Variants in UMAD1 observed in about 807,000 individuals in gnomAD.
The protein encoded by UMAD1 is UBAP1-MVB12-associated (UMA) domain containing 1, also known as UBAP1-MVB12-associated (UMA)-domain containing protein 1.
UMAD1 carries 8 observed loss-of-function variants against 6.1 expected under a neutral mutation model. The ratio of observed to expected loss-of-function variants is 1.30; its 90% CI spans 0.76 to 2.35. The LOEUF (loss-of-function observed/expected upper bound fraction) is 2.35, where lower values mean the gene tolerates loss of function less well. Among genes scored for constraint, UMAD1 ranks in the 30% most tolerant of loss-of-function variants. The pLI, the probability that UMAD1 is intolerant of heterozygous loss-of-function variation, is 0.00. For synonymous variants in UMAD1, 56 were observed against 31.4 expected, an observed-to-expected ratio of 1.78 and a Z score of -2.61; for missense variants, 130 against 78.4, an observed-to-expected ratio of 1.66 and a Z score of -2.49.
chr7:7,877,426 A>G lies in UMAD1; in HGVS notation c.302A>G (p.Gln101Arg), dbSNP rs1784441971. 5.6e-6 allele frequency: 4 copies of G among 717,758 alleles called. No homozygotes were observed. Among genetic ancestry groups the G allele is most frequent in the Non-Finnish European group, 1.0e-5 (4 of 385,152 alleles). 44.5% of individuals were successfully genotyped at this position (717,758 alleles called of 1,614,324 possible). A position where few individuals can be genotyped will look rare whatever the true frequency, so the allele number is the denominator to read the frequency against. The change falls in exon 4 of 4, where the codon CAG (glutamine) becomes CGG (arginine). Residue 101 changes from glutamine to arginine, a missense_variant. Gln to Arg is a conservative substitution (Grantham distance 43). Coordinates refer to ENST00000682710, the MANE Select transcript of UMAD1 (RefSeq NM_001302348.2). ...FTLAPHVLAV[Q>R]GTITDLPDHL... ...CTGGCCCCGCATGTGCTGGCAGTAC[A>G]GGGCACCATCACTGACCTTCCCGAC...
intron 2 of UMAD1, among the ~76,000 whole-genome samples, chr7:7,706,554 A>G (rs1471880336): frequency 2.0e-5 from 3 of 152,228 alleles, no homozygotes; most frequent in Non-Finnish European, 4.4e-5. Flanking sequence ...ATTTTTTAAA[A>G]TTGGAAAAAA....
At chr7:7,782,374 T>C (rs1161102644) in intron 2 of UMAD1, among the ~76,000 whole-genome samples, 1 of 152,176 alleles carries the variant, frequency 6.6e-6, no homozygotes, top group African/African-American at 2.4e-5. Flanking sequence ...TCTGAATGCC[T>C]TCATACATGC....
intron 2 of UMAD1, among the ~76,000 whole-genome samples, chr7:7,772,045 T>TA (rs201021905): frequency 5.3e-5 from 8 of 151,032 alleles, no homozygotes; most frequent in South Asian, 4.2e-4. Flanking sequence ...TGTGTTTGAT[T>TA]AAAAAAAAAT....
At chr7:7,734,544 G>A (rs1781313153) in intron 2 of UMAD1, among the ~76,000 whole-genome samples, 1 of 152,032 alleles carries the variant, frequency 6.6e-6, no homozygotes, top group Non-Finnish European at 1.5e-5. Context: ...AAGTAAATTT[G>A]AAAGATGTTA....
intron 3 of UMAD1, among the ~76,000 whole-genome samples, chr7:7,815,451 A>T (rs1402437054): frequency 6.6e-6 from 1 of 152,170 alleles, no homozygotes; most frequent in Non-Finnish European, 1.5e-5. Context: ...ATTGAGAGTT[A>T]CAGTAAAAGG....
At chr7:7,708,486 A>G (rs1780664093) in intron 2 of UMAD1, among the ~76,000 whole-genome samples, 1 of 152,208 alleles carries the variant, frequency 6.6e-6, no homozygotes, top group Non-Finnish European at 1.5e-5. Context: ...TTTGGATATA[A>G]GGGGATCAGG....
intron 1 of UMAD1, among the ~76,000 whole-genome samples, chr7:7,658,039 G>T (rs971165911): frequency 1.3e-5 from 2 of 152,292 alleles, no homozygotes; most frequent in African/African-American, 4.8e-5. Context: ...TCCCTTGTAA[G>T]TTGGATTCCT....
At chr7:7,836,166 A>G (rs1256180014) in intron 3 of UMAD1, among the ~76,000 whole-genome samples, 1 of 152,074 alleles carries the variant, frequency 6.6e-6, no homozygotes, top group Non-Finnish European at 1.5e-5. Flanking sequence ...TTTAATGCTT[A>G]CTGTCAATTT....
In UMAD1 at chr7:7,877,614, C is replaced by T; in HGVS notation, c.*76C>T. 1 of 668,934 alleles carries T rather than the reference C, an allele frequency of 1.5e-6. No individual in the cohort carries two copies. The highest frequency in any genetic ancestry group is 2.7e-6 in the Non-Finnish European group (1 of 364,458). 41.4% of individuals were successfully genotyped at this position (668,934 alleles called of 1,614,324 possible). On this transcript the variant is annotated 3_prime_UTR_variant, in exon 4 of 4. Coordinates refer to ENST00000682710, the MANE Select transcript of UMAD1 (RefSeq NM_001302348.2). The stretch of plus-strand genomic sequence containing the variant: ...TATCTAACCTGTTTGATGTTCTTTG[C>T]CGTTTCACTGTTTAAGGTCCTCAGC...
At chr7:7,739,992 A>G (rs936434541) in intron 2 of UMAD1, among the ~76,000 whole-genome samples, 2 of 152,240 alleles carry the variant, frequency 1.3e-5, no homozygotes, top group Non-Finnish European at 2.9e-5. Flanking sequence ...AAATAAGTCA[A>G]GACTGTTAAG....
At chr7:7,801,817 A>C in intron 3 of UMAD1, 74 bp downstream of exon 3, 1 of 701,034 alleles carries the variant, frequency 1.4e-6, no homozygotes, top group Non-Finnish European at 2.6e-6. Flanking sequence ...TCCGAGGATA[A>C]ATAGTAACTT....
intron 3 of UMAD1, among the ~76,000 whole-genome samples, chr7:7,860,435 C>G (rs1055342878): frequency 2.0e-5 from 3 of 151,786 alleles, no homozygotes; most frequent in Admixed American, 6.6e-5. Flanking sequence ...ATCTGTTAGA[C>G]TTGTTTCTCA....
intron 2 of UMAD1, among the ~76,000 whole-genome samples, chr7:7,800,883 A>G (rs1305277073): frequency 6.6e-6 from 1 of 152,206 alleles, no homozygotes; most frequent in Non-Finnish European, 1.5e-5. Flanking sequence ...AGATTGCCCA[A>G]TTTTATAGAA....
At chr7:7,851,238 C>T (rs1357833607) in intron 3 of UMAD1, among the ~76,000 whole-genome samples, 1 of 152,158 alleles carries the variant, frequency 6.6e-6, no homozygotes, top group Non-Finnish European at 1.5e-5. Flanking sequence ...TCCATTCCTT[C>T]TCATTCCTTT....
chr7:7,876,046 C>T (rs1008099928), intron 3 of UMAD1, among the ~76,000 whole-genome samples: 2 of 152,172 alleles, frequency 1.3e-5, no homozygotes, highest in Non-Finnish European at 2.9e-5. Context: ...GAGCGAGACT[C>T]TGTCTCAAAA....
intron 3 of UMAD1, among the ~76,000 whole-genome samples, chr7:7,818,443 T>G (rs1251209955): frequency 1.3e-5 from 2 of 152,096 alleles, no homozygotes; most frequent in African/African-American, 4.8e-5. Flanking sequence ...ATCAGTGAAA[T>G]GCAAATCAAA....
At chr7:7,816,777 G>C (rs1035653093) in intron 3 of UMAD1, among the ~76,000 whole-genome samples, 2 of 152,064 alleles carry the variant, frequency 1.3e-5, no homozygotes, top group African/African-American at 4.8e-5. Flanking sequence ...TTGCTTATCT[G>C]TCCTTTCCTC....
At position 7,670,134 on chromosome 7, in the gene UMAD1, G is replaced by A. The variant is rs568101661; in HGVS notation, c.-63-3175G>A. Among the ~76,000 whole-genome samples the A allele has an allele frequency of 5.9e-5, 9 of 152,262 alleles. No homozygotes were observed. The South Asian group carries it at 1.7e-3, about 28-fold the overall frequency. On this transcript the variant is annotated intron_variant, in intron 1 of 3. Coordinates refer to ENST00000682710, the MANE Select transcript of UMAD1 (RefSeq NM_001302348.2). ...ACAATACTTGGGTTAAAAACAGGTT[G>A]TTTGTTTTCTTATACTACACTTGAG...
At chr7:7,773,567 A>AG (rs1782142868) in intron 2 of UMAD1, among the ~76,000 whole-genome samples, 1 of 152,202 alleles carries the variant, frequency 6.6e-6, no homozygotes. Flanking sequence ...CTAAAAAAAA[A>AG]CACAATAACA....
Sources: gnomAD v4.1 joint callset for allele counts (sites outside exome capture counted in the v4.1 genomes callset) on GRCh38, gnomAD v4.1.1 for gene constraint, MANE v1.5 for transcripts, NCBI Gene and HGNC (gene_info 2026-07-23, HGNC 2026-07-21) for gene names.